Variants in CNTN5 observed in about 807,000 individuals in gnomAD.
CNTN5 encodes contactin-5.
A neutral mutation model predicts 129.1 loss-of-function variants in CNTN5; 77 were observed. The ratio of observed to expected loss-of-function variants is 0.60; its 90% CI spans 0.50 to 0.72. The LOEUF (loss-of-function observed/expected upper bound fraction) is 0.72, where lower values mean the gene tolerates loss of function less well. Among genes scored for constraint, CNTN5 ranks in the 30% least tolerant of loss-of-function variants. CNTN5 has a pLI of 0.00. For synonymous variants in CNTN5, 509 were observed against 465.6 expected (o/e 1.09, Z -1.20); for missense variants, 1,478 against 1,328.8 (o/e 1.11, Z -1.75).
At chr11:100,185,602 G>A (rs1416627568) in intron 13 of CNTN5, among the ~76,000 whole-genome samples, 1 of 152,190 alleles carries the variant, frequency 6.6e-6, no homozygotes, top group Non-Finnish European at 1.5e-5. Flanking sequence ...GGACTGAACT[G>A]TGTCCTCCCA....
At chr11:99,466,178 G>A (rs1188214030) in intron 2 of CNTN5, among the ~76,000 whole-genome samples, 1 of 152,022 alleles carries the variant, frequency 6.6e-6, no homozygotes, top group African/African-American at 2.4e-5. Flanking sequence ...CACTGTGCCC[G>A]GCTGATGTCA....
intron 21 of CNTN5, among the ~76,000 whole-genome samples, chr11:100,310,925 G>A (rs1167256799): frequency 1.3e-5 from 2 of 151,904 alleles, no homozygotes; most frequent in Non-Finnish European, 2.9e-5. Context: ...GAAGAGATTA[G>A]CAGGACAAGG....
intron 2 of CNTN5, among the ~76,000 whole-genome samples, chr11:99,475,241 A>G (rs1311030827): frequency 1.3e-5 from 2 of 152,148 alleles, no homozygotes; most frequent in African/African-American, 4.8e-5. Context: ...GTTTGGCACA[A>G]TTTCGTCTCC....
chr11:100,140,575 T>C (rs1441427535), intron 13 of CNTN5, among the ~76,000 whole-genome samples: 2 of 151,984 alleles, frequency 1.3e-5, no homozygotes, highest in Non-Finnish European at 2.9e-5. Context: ...CAATTGAGAT[T>C]ATCAGGGGGT....
chr11:100,225,466 G>T (rs1351811547), intron 16 of CNTN5: 2 of 151,734 alleles, frequency 1.3e-5, no homozygotes, highest in Admixed American at 6.6e-5. Context: ...ATCATAGCAT[G>T]CATTTCCTTC....
At chr11:99,869,886 T>A (rs1332748453) in intron 6 of CNTN5, among the ~76,000 whole-genome samples, 1 of 152,164 alleles carries the variant, frequency 6.6e-6, no homozygotes, top group Non-Finnish European at 1.5e-5. Flanking sequence ...AAAATTAAAA[T>A]TTTCCAGAAA....
At chr11:99,283,821 G>A (rs1469280225) in intron 1 of CNTN5, among the ~76,000 whole-genome samples, 1 of 152,120 alleles carries the variant, frequency 6.6e-6, no homozygotes, top group African/African-American at 2.4e-5. Flanking sequence ...AAGGGAATAG[G>A]AAAGGATATT....
intron 1 of CNTN5, among the ~76,000 whole-genome samples, chr11:99,175,340 G>A (rs1857722042): frequency 6.6e-6 from 1 of 152,174 alleles, no homozygotes; most frequent in Non-Finnish European, 1.5e-5. Context: ...ACATAGCTCT[G>A]TGAAAATGAA....
chr11:99,248,341 C>T (rs1291485483), intron 1 of CNTN5, among the ~76,000 whole-genome samples: 1 of 152,030 alleles, frequency 6.6e-6, no homozygotes. Flanking sequence ...TGTTGGAGTT[C>T]ATTGTAGATT....
At chr11:100,194,021 G>T (rs1379541928) in intron 15 of CNTN5, among the ~76,000 whole-genome samples, 1 of 151,886 alleles carries the variant, frequency 6.6e-6, no homozygotes, top group Non-Finnish European at 1.5e-5. Context: ...TAAAATGCCT[G>T]CCTGTCCTTC....
intron 1 of CNTN5, among the ~76,000 whole-genome samples, chr11:99,028,629 T>C (rs536098474): frequency 1.3e-5 from 2 of 152,052 alleles, no homozygotes; most frequent in East Asian, 1.9e-4. Context: ...ATGAATGTGA[T>C]GTTTTTTGAC....
At chr11:99,215,970 C>A (rs1860095170) in intron 1 of CNTN5, among the ~76,000 whole-genome samples, 1 of 152,146 alleles carries the variant, frequency 6.6e-6, no homozygotes. Flanking sequence ...GTGTAATGAT[C>A]AAATCAGTAT....
intron 3 of CNTN5, among the ~76,000 whole-genome samples, chr11:99,614,937 G>A (rs541141041): frequency 2.0e-5 from 3 of 151,606 alleles, no homozygotes; most frequent in South Asian, 2.1e-4. Context: ...AAGAATGGCC[G>A]TACTGTTGTT....
intron 9 of CNTN5, among the ~76,000 whole-genome samples, chr11:100,014,933 A>G (rs1380061645): frequency 6.6e-6 from 1 of 152,172 alleles, no homozygotes; most frequent in African/African-American, 2.4e-5. Flanking sequence ...AGCCTACATA[A>G]GGAGTTTTTA....
rs1396912726 is a variant in CNTN5, at chr11:99,996,873, C to G, written c.878-5161C>G. Among the ~76,000 whole-genome samples the G allele has an allele frequency of 2.0e-5, 3 of 152,230 alleles. No homozygotes were observed. In the East Asian group the frequency reaches 5.8e-4, roughly 29 times the overall value. ...GAGAACTCCCTCACTATCATGAGGA[C>G]AGCATGGGGGAAACTGCCCCCATGA... On this transcript the variant is annotated intron_variant, in intron 8 of 24. Coordinates refer to ENST00000524871, the MANE Select transcript of CNTN5 (RefSeq NM_014361.4).
At chr11:100,026,019 G>C (rs1356447307) in intron 9 of CNTN5, among the ~76,000 whole-genome samples, 1 of 152,032 alleles carries the variant, frequency 6.6e-6, no homozygotes, top group Non-Finnish European at 1.5e-5. Flanking sequence ...GATTTGTTTG[G>C]GGCTAGGGGA....
chr11:99,171,382 T>C (rs1483094806), intron 1 of CNTN5, among the ~76,000 whole-genome samples: 2 of 152,210 alleles, frequency 1.3e-5, no homozygotes, highest in African/African-American at 2.4e-5. Flanking sequence ...TTGCTTATAT[T>C]CTTCTAAATC....
In CNTN5 at chr11:100,206,785, T is replaced by C. The variant is rs561021640; in HGVS notation, c.1884+13122T>C. On this transcript the variant is annotated intron_variant, in intron 15 of 24. Transcript: ENST00000524871. ...TTTATTCTCATACTAAACAATAAAT[T>C]TTTTTAGGACAGGGATTATATCTAT... Among the ~76,000 whole-genome samples, 4 of 152,142 alleles carry C rather than the reference T, an allele frequency of 2.6e-5. No individual in the cohort carries two copies. The South Asian group carries it at 8.3e-4, about 32-fold the overall frequency.
intron 18 of CNTN5, among the ~76,000 whole-genome samples, chr11:100,290,113 A>G (rs1950922364): frequency 6.6e-6 from 1 of 151,478 alleles, no homozygotes; most frequent in Admixed American, 6.6e-5. Context: ...AAGAGGATAC[A>G]GACAAATGGA....
Sources: allele counts gnomAD v4.1 joint callset (sites outside exome capture counted in the v4.1 genomes callset), GRCh38; gene constraint gnomAD v4.1.1; transcripts MANE v1.5; gene names NCBI Gene and HGNC (gene_info 2026-07-23, HGNC 2026-07-21).